The following ANKS1B variants were observed in gnomAD, a reference collection of about 807,000 sequenced individuals.
The protein encoded by ANKS1B is ankyrin repeat and sterile alpha motif domain containing 1B.
ANKS1B carries 36 observed loss-of-function variants against 148.3 expected under a neutral mutation model. That is an observed-to-expected ratio of 0.24 (90% CI 0.19 to 0.32). ANKS1B has a LOEUF of 0.32. Ranked by LOEUF, ANKS1B falls within the 10% of genes least tolerant of loss-of-function variation. The probability of loss-of-function intolerance (pLI) is 1.00; values close to 1 mark genes in which losing one functional copy is unlikely to be tolerated. For synonymous variants in ANKS1B, 542 were observed against 560.8 expected (o/e 0.97, Z 0.47); for missense variants, 1,157 against 1,542.6 (o/e 0.75, Z 4.19).
intron 12 of ANKS1B, among the ~76,000 whole-genome samples, chr12:99,362,315 T>C (rs2092527762): frequency 6.6e-6 from 1 of 152,028 alleles, no homozygotes; most frequent in African/African-American, 2.4e-5. Flanking sequence ...ACATTATCTT[T>C]ACATATATTA....
chr12:99,646,647 C>A (rs2098369308), intron 9 of ANKS1B, among the ~76,000 whole-genome samples: 1 of 95,854 alleles, frequency 1.0e-5, no homozygotes, highest in Admixed American at 1.6e-4. Flanking sequence ...AGTGAGACTC[C>A]ATCTCAAAAA....
At chr12:99,217,584 A>G (rs2084412145) in intron 14 of ANKS1B, among the ~76,000 whole-genome samples, 1 of 151,974 alleles carries the variant, frequency 6.6e-6, no homozygotes, top group Admixed American at 6.6e-5. Flanking sequence ...TTTGTTCATC[A>G]CATTCCACCA....
intron 15 of ANKS1B, among the ~76,000 whole-genome samples, chr12:99,148,267 A>C (rs1239274727): frequency 5.9e-5 from 9 of 152,156 alleles, no homozygotes; most frequent in African/African-American, 1.9e-4. Flanking sequence ...AGGCCTATTC[A>C]TGTGAGCATT....
chr12:99,492,049 T>C (rs952284374), intron 10 of ANKS1B, among the ~76,000 whole-genome samples: 1 of 151,700 alleles, frequency 6.6e-6, no homozygotes, highest in Admixed American at 6.6e-5. Flanking sequence ...AAGAAATAAC[T>C]GAAATCAGAG....
chr12:99,314,569 C>G (rs1219650571), intron 12 of ANKS1B, among the ~76,000 whole-genome samples: 1 of 152,056 alleles, frequency 6.6e-6, no homozygotes, highest in Non-Finnish European at 1.5e-5. Context: ...CCAAAACAGA[C>G]ACATAGACCA....
At chr12:98,750,925 C>A (rs2098071773) in intron 26 of ANKS1B, among the ~76,000 whole-genome samples, 1 of 152,240 alleles carries the variant, frequency 6.6e-6, no homozygotes, top group Non-Finnish European at 1.5e-5. Context: ...CTTCCTCTAG[C>A]TGGGGACCGA....
chr12:99,188,950 C>G (rs1250202873), intron 14 of ANKS1B, among the ~76,000 whole-genome samples: 12 of 151,848 alleles, frequency 7.9e-5, no homozygotes, highest in Non-Finnish European at 1.5e-5. Context: ...ACTAGCCAGA[C>G]TAATAAAGAA....
At chr12:98,862,613 A>T (rs1346877271) in intron 17 of ANKS1B, among the ~76,000 whole-genome samples, 1 of 152,220 alleles carries the variant, frequency 6.6e-6, no homozygotes, top group African/African-American at 2.4e-5. Flanking sequence ...CCCTTTGCTC[A>T]AATAATGTAA....
chr12:98,860,067 AC>A (rs2099591000), intron 17 of ANKS1B, among the ~76,000 whole-genome samples: 1 of 152,232 alleles, frequency 6.6e-6, no homozygotes, highest in African/African-American at 2.4e-5. Context: ...TAGGCTACTC[AC>A]GTTTTCTCTC....
chr12:98,879,737 A>G (rs2099701777), intron 17 of ANKS1B, among the ~76,000 whole-genome samples: 1 of 152,210 alleles, frequency 6.6e-6, no homozygotes. Flanking sequence ...AAAATACCAC[A>G]TAGTACAGAT....
Position 99,405,840 on chromosome 12 carries a change from G to A in ANKS1B, c.1576-6029C>T, listed in dbSNP as rs1253647097. Among the ~76,000 whole-genome samples, 4 of 144,278 alleles carry A rather than the reference G, an allele frequency of 2.8e-5. 1 individual carries two copies. Among genetic ancestry groups the A allele is most frequent in the Non-Finnish European group, 6.1e-5 (4 of 65,444 alleles). 94.7% of individuals were successfully genotyped at this position (144,278 alleles called of 152,430 possible). ...ACACATAGACTGAAAATAAGGGGATGGACAAAGATATTCCATGCAAATAAA... is the reference window on the plus strand; with the variant it reads ...ACACATAGACTGAAAATAAGGGGATAGACAAAGATATTCCATGCAAATAAA... On this transcript the variant is annotated intron_variant, in intron 11 of 26. Coordinates refer to ENST00000683438, the MANE Select transcript of ANKS1B (RefSeq NM_001352186.2).
chr12:99,922,079 C>T (rs12370204), intron 1 of ANKS1B, among the ~76,000 whole-genome samples: 8,720 of 152,138 alleles, frequency 0.057, 359 homozygotes, highest in Non-Finnish European at 0.081. Flanking sequence ...GTTTCCTCCT[C>T]TATAAAATGT....
chr12:99,061,582 A>G (rs2042476353), intron 16 of ANKS1B, among the ~76,000 whole-genome samples: 1 of 152,244 alleles, frequency 6.6e-6, no homozygotes, highest in Non-Finnish European at 1.5e-5. Flanking sequence ...ACAATTGCAT[A>G]GAGCAAAGCC....
chr12:99,913,458 T>C (rs2094070158), intron 1 of ANKS1B, among the ~76,000 whole-genome samples: 1 of 152,214 alleles, frequency 6.6e-6, no homozygotes, highest in African/African-American at 2.4e-5. Context: ...TCCTGAGGCC[T>C]AAGAAAGCTA....
intron 16 of ANKS1B, among the ~76,000 whole-genome samples, chr12:99,065,230 T>C (rs552681945): frequency 6.6e-6 from 1 of 152,336 alleles, no homozygotes; most frequent in African/African-American, 2.4e-5. Context: ...ACAGAAACTT[T>C]AAATGCTACT....
chr12:99,780,530 C>G (rs1190868291), intron 5 of ANKS1B, among the ~76,000 whole-genome samples: 2 of 152,018 alleles, frequency 1.3e-5, no homozygotes, highest in African/African-American at 4.8e-5. Flanking sequence ...GATCTGCCCA[C>G]CTTGGCCTCC....
chr12:98,928,397 A>C (rs1414140330), intron 17 of ANKS1B, among the ~76,000 whole-genome samples: 1 of 151,950 alleles, frequency 6.6e-6, no homozygotes, highest in Non-Finnish European at 1.5e-5. Context: ...TCTACCAAAA[A>C]ATAGAAAGGG....
chr12:99,284,329 C>T (rs902699236), intron 12 of ANKS1B, among the ~76,000 whole-genome samples: 16 of 152,148 alleles, frequency 1.1e-4, no homozygotes, highest in Non-Finnish European at 2.1e-4. Context: ...GTGCTTTACC[C>T]TACTGCTAGC....
Position 98,744,329 on chromosome 12 carries a change from G to C in ANKS1B, c.*1410C>G. On this transcript the variant is annotated 3_prime_UTR_variant, in exon 27 of 27. Coordinates refer to ENST00000683438, the MANE Select transcript of ANKS1B (RefSeq NM_001352186.2). ...TATTCTTCAAAACTCACCAACTGAT[G>C]AATGTAACTGATCATCTCAGTTAGG... 1 of 914,574 alleles carries C rather than the reference G, an allele frequency of 1.1e-6. No homozygotes were observed. The highest frequency in any genetic ancestry group is 1.3e-6 in the Non-Finnish European group (1 of 765,026). 56.7% of individuals were successfully genotyped at this position (914,574 alleles called of 1,614,324 possible).
Sources: allele counts gnomAD v4.1 joint callset (sites outside exome capture counted in the v4.1 genomes callset), GRCh38; gene constraint gnomAD v4.1.1; transcripts MANE v1.5; gene names NCBI Gene and HGNC (gene_info 2026-07-23, HGNC 2026-07-21).